The following DLGAP2 variants were observed in gnomAD, a reference collection of about 807,000 sequenced individuals.
DLGAP2 encodes DLG associated protein 2, also known as disks large-associated protein 2.
A neutral mutation model predicts 100.3 loss-of-function variants in DLGAP2; 26 were observed. The ratio of observed to expected loss-of-function variants is 0.26; its 90% CI spans 0.19 to 0.36. The LOEUF (loss-of-function observed/expected upper bound fraction) is 0.36. Ranked by LOEUF, DLGAP2 falls within the 10% of genes least tolerant of loss-of-function variation. The pLI is 1.00. For missense variants in DLGAP2, 1,858 were observed against 1,453.2 expected (o/e 1.28, Z -4.53); for synonymous variants, 886 against 630.1 (o/e 1.41, Z -6.08).
chr8:1,340,744 T>C (rs1801398448), intron 3 of DLGAP2, among the ~76,000 whole-genome samples: 1 of 152,174 alleles, frequency 6.6e-6, no homozygotes, highest in Non-Finnish European at 1.5e-5. Flanking sequence ...CCCAAAGGAA[T>C]AGAAACCCTT....
chr8:1,555,690 G>A (rs73671206), intron 5 of DLGAP2, among the ~76,000 whole-genome samples: 1,822 of 152,336 alleles, frequency 0.012, 50 homozygotes, highest in African/African-American at 0.042. Context: ...GTGTGTCATC[G>A]CTGGGAGCAG....
At chr8:1,036,346 G>C (rs1273668864) in intron 2 of DLGAP2, among the ~76,000 whole-genome samples, 1 of 152,264 alleles carries the variant, frequency 6.6e-6, no homozygotes, top group Non-Finnish European at 1.5e-5. Context: ...GTGGATGCTG[G>C]CTTGGGGAGG....
rs913074521 is a variant in DLGAP2, at chr8:1,683,555, C to A, written c.2704+4926C>A. Among the ~76,000 whole-genome samples, 8 of 151,090 alleles carry A rather than the reference C, an allele frequency of 5.3e-5. No homozygotes were observed. In the South Asian group the frequency reaches 1.7e-3, roughly 32 times the overall value. ...ATTTTAGGCTCCTTCAATGAAGTGG[C>A]CACATTTGACATTTATCATCCACAG... On this transcript the variant is annotated intron_variant, in intron 12 of 14. Transcript: ENST00000637795.
chr8:1,527,417 G>T (rs532913618), intron 4 of DLGAP2, among the ~76,000 whole-genome samples: 1 of 152,212 alleles, frequency 6.6e-6, no homozygotes, highest in Admixed American at 6.5e-5. Context: ...GACAGATGGC[G>T]CCAGGAAGAG....
At chr8:1,168,781 G>T (rs1797069360) in intron 2 of DLGAP2, among the ~76,000 whole-genome samples, 1 of 132,800 alleles carries the variant, frequency 7.5e-6, no homozygotes, top group African/African-American at 3.0e-5. Flanking sequence ...CTGGATATTA[G>T]CCCTTTGTCA....
intron 3 of DLGAP2, among the ~76,000 whole-genome samples, chr8:1,358,676 A>G (rs943051017): frequency 6.6e-6 from 1 of 152,086 alleles, no homozygotes; most frequent in African/African-American, 2.4e-5. Context: ...CTGATGGGCA[A>G]AGTGTCTTTA....
chr8:824,858 A>G (rs1364904756), intron 1 of DLGAP2, among the ~76,000 whole-genome samples: 1 of 152,064 alleles, frequency 6.6e-6, no homozygotes, highest in African/African-American at 2.4e-5. Context: ...CTCCAGCCGC[A>G]ATTCACTGGA....
At chr8:1,357,142 G>T (rs962409940) in intron 3 of DLGAP2, among the ~76,000 whole-genome samples, 3 of 152,224 alleles carry the variant, frequency 2.0e-5, no homozygotes, top group East Asian at 3.9e-4. Flanking sequence ...GAAGACGTGT[G>T]CTCTTCACCA....
intron 1 of DLGAP2, among the ~76,000 whole-genome samples, chr8:865,317 G>A (rs1222073823): frequency 6.6e-6 from 1 of 152,214 alleles, no homozygotes; most frequent in Non-Finnish European, 1.5e-5. Flanking sequence ...GCTACTAAAC[G>A]CTGAGCTCAT....
intron 3 of DLGAP2, among the ~76,000 whole-genome samples, chr8:1,328,524 T>C (rs1483182242): frequency 6.6e-6 from 1 of 152,104 alleles, no homozygotes; most frequent in African/African-American, 2.4e-5. Flanking sequence ...GTTTTTTGGT[T>C]TTTTTTAGTA....
At chr8:1,505,466 A>C (rs566938880) in intron 4 of DLGAP2, among the ~76,000 whole-genome samples, 17 of 152,254 alleles carry the variant, frequency 1.1e-4, no homozygotes, top group Non-Finnish European at 2.2e-4. Flanking sequence ...AGATACCATT[A>C]GTGCCAGATG....
chr8:1,548,383 C>G (rs923494092), intron 4 of DLGAP2, among the ~76,000 whole-genome samples: 1 of 139,172 alleles, frequency 7.2e-6, no homozygotes, highest in African/African-American at 2.6e-5. Flanking sequence ...CGCTTGAACC[C>G]GGGAGGCGGA....
In DLGAP2 at chr8:1,694,923, C is replaced by T. The variant is rs570254984; in HGVS notation, c.2797-2224C>T. On this transcript the variant is annotated intron_variant, in intron 13 of 14. Coordinates refer to ENST00000637795, the MANE Select transcript of DLGAP2 (RefSeq NM_001346810.2). ...CAGTGGATTCAGATGCAACCACCTC[C>T]CCAACCAAAAGAGAACAGAAGACAA... 4.6e-5 allele frequency among the ~76,000 whole-genome samples: 7 copies of T among 152,284 alleles called. No homozygotes were observed. The South Asian group carries it at 1.5e-3, about 32-fold the overall frequency.
At chr8:961,257 C>G (rs947099136) in intron 2 of DLGAP2, among the ~76,000 whole-genome samples, 3 of 152,174 alleles carry the variant, frequency 2.0e-5, no homozygotes, top group Non-Finnish European at 2.9e-5. Context: ...TTCCTGATGT[C>G]TTATTTTGAC....
At chr8:917,926 C>A (rs368621914) in intron 2 of DLGAP2, among the ~76,000 whole-genome samples, 2 of 152,112 alleles carry the variant, frequency 1.3e-5, no homozygotes, top group Non-Finnish European at 2.9e-5. Context: ...TGAATAAATA[C>A]AAGCTGGATG....
chr8:1,126,946 C>T (rs1374038832), intron 2 of DLGAP2, among the ~76,000 whole-genome samples: 2 of 151,664 alleles, frequency 1.3e-5, no homozygotes, highest in African/African-American at 4.8e-5. Flanking sequence ...ATGAGGGACC[C>T]CCAACCTTGT....
chr8:1,215,300 G>C (rs1459489103), intron 2 of DLGAP2, among the ~76,000 whole-genome samples: 2 of 152,256 alleles, frequency 1.3e-5, no homozygotes, highest in East Asian at 1.9e-4. Context: ...TGACATGTCA[G>C]CACCTTCTGA....
intron 3 of DLGAP2, among the ~76,000 whole-genome samples, chr8:1,356,534 G>A (rs779854154): frequency 2.6e-5 from 4 of 152,068 alleles, no homozygotes; most frequent in East Asian, 1.9e-4. Context: ...GCCAGGAAGC[G>A]CTCCTCCCTC....
chr8:1,318,110 A>C (rs13262220), intron 3 of DLGAP2, among the ~76,000 whole-genome samples: 916 of 61,772 alleles, frequency 0.015, 1 homozygote, highest in Middle Eastern at 0.066. Flanking sequence ...GCGTCTCTCC[A>C]ACAGTGGTCT....
Sources: allele counts gnomAD v4.1 joint callset (sites outside exome capture counted in the v4.1 genomes callset), GRCh38; gene constraint gnomAD v4.1.1; transcripts MANE v1.5; gene names NCBI Gene and HGNC (gene_info 2026-07-23, HGNC 2026-07-21).